TC2N: variants seen among roughly 807,000 people sequenced by gnomAD.
TC2N encodes tandem C2 domains nuclear protein.
In TC2N, 51 loss-of-function variants were observed where a neutral mutation model predicts 61.9. The observed-to-expected ratio is 0.82, with a 90% CI of 0.66 to 1.04. The LOEUF (loss-of-function observed/expected upper bound fraction) is 1.04. Among genes scored for constraint, TC2N ranks in the 50% least tolerant of loss-of-function variants. The pLI, the probability that TC2N is intolerant of heterozygous loss-of-function variation, is 0.00. For synonymous variants in TC2N, 204 were observed against 192.6 expected, an observed-to-expected ratio of 1.06 and a Z score of -0.49; for missense variants, 556 against 566.7, an observed-to-expected ratio of 0.98 and a Z score of 0.19.
chr14:91,791,597 A>G lies in TC2N; in HGVS notation c.1047+770T>C, dbSNP rs535385943. On this transcript the variant is annotated intron_variant, in intron 9 of 11. Transcript: ENST00000435962. ...GTAATAAAGCTTTTTACAGAAAAAA[A>G]AAATCAGCTGTAAAAACTTCTAATC... 3.3e-5 allele frequency among the ~76,000 whole-genome samples: 5 copies of G among 152,296 alleles called. No homozygotes were observed. The East Asian group carries it at 9.6e-4, about 29-fold the overall frequency.
chr14:91,848,581 G>A (rs1888313790), intron 1 of TC2N, among the ~76,000 whole-genome samples: 1 of 152,172 alleles, frequency 6.6e-6, no homozygotes, highest in African/African-American at 2.4e-5. Context: ...TCTCTCTGAA[G>A]AAAAACCTCC....
chr14:91,839,403 A>G (rs1888123700), intron 1 of TC2N, among the ~76,000 whole-genome samples: 1 of 152,202 alleles, frequency 6.6e-6, no homozygotes, highest in Non-Finnish European at 1.5e-5. Flanking sequence ...ATTTCCCAGC[A>G]TAACCACCAC....
At chr14:91,799,212 G>T in intron 5 of TC2N, 148 bp from the exon 6 acceptor site, 2 of 398,298 alleles carry the variant, frequency 5.0e-6, no homozygotes, top group East Asian at 4.3e-5. Flanking sequence ...TACAGGTAGT[G>T]GAAAAAAAAA....
At chr14:91,865,926 C>A (rs538244526) in intron 1 of TC2N, among the ~76,000 whole-genome samples, 10 of 151,756 alleles carry the variant, frequency 6.6e-5, no homozygotes, top group Admixed American at 1.3e-4. Context: ...GTTTTAATAA[C>A]TTTTAAAGTT....
intron 1 of TC2N, among the ~76,000 whole-genome samples, chr14:91,861,243 A>G (rs1207789130): frequency 6.6e-6 from 1 of 152,236 alleles, no homozygotes; most frequent in African/African-American, 2.4e-5. Flanking sequence ...AGAAAGTACC[A>G]TGTTCACATA....
rs752769590 is a variant in TC2N at position 91,792,570 on chromosome 14, A to G, written c.856-12T>C. ...ATAAATTCAATAGCCTTAAAAAAAA[A>G]ACAAGAAAACATAAAATATATAAAT... is the stretch of plus-strand genomic sequence containing the variant. On this transcript the variant is annotated splice_polypyrimidine_tract_variant and intron_variant, in intron 8 of 11. Transcript: ENST00000435962. The G allele has an allele frequency of 6.6e-6, 9 of 1,360,162 alleles. No individual in the cohort carries two copies. The highest frequency in any genetic ancestry group is 9.0e-6 in the Non-Finnish European group (9 of 996,460). 84.3% of individuals were successfully genotyped at this position (1,360,162 alleles called of 1,614,324 possible). A position where few individuals can be genotyped will look rare whatever the true frequency, so the allele number is the denominator to read the frequency against.
chr14:91,829,054 A>G (rs1367058585), intron 1 of TC2N, among the ~76,000 whole-genome samples: 1 of 150,676 alleles, frequency 6.6e-6, no homozygotes, highest in East Asian at 1.9e-4. Context: ...GTTCTTTTAA[A>G]AAAAAAAAAA....
intron 1 of TC2N, among the ~76,000 whole-genome samples, chr14:91,851,780 T>C (rs576175965): frequency 6.6e-6 from 1 of 152,294 alleles, no homozygotes; most frequent in South Asian, 2.1e-4. Flanking sequence ...CCACACTGTA[T>C]TATGCCACCA....
At chr14:91,842,033 A>T (rs1888173815) in intron 1 of TC2N, among the ~76,000 whole-genome samples, 1 of 134,570 alleles carries the variant, frequency 7.4e-6, no homozygotes. Context: ...ATCATGGCTC[A>T]CTCCAGCCTC....
chr14:91,787,599 G>C lies in TC2N; in HGVS notation c.1076C>G (p.Thr359Ser). ...TCTGCTATTTACTGCTTGAAAACAA[G>C]TCCCCAATTCAAGTTCTGCATGGCA... ...SVCHAELELG[T>S]CFQAVNSRIQ... is the part of the protein sequence containing the mutation. Residue 359 changes from threonine to serine, a missense_variant, in exon 10 of 12, where the codon ACT (threonine) becomes AGT (serine). Transcript: ENST00000435962. 6.2e-7 allele frequency: 1 copy of C among 1,611,918 alleles called. No individual in the cohort carries two copies. The highest frequency in any genetic ancestry group is 8.5e-7 in the Non-Finnish European group (1 of 1,179,022).
chr14:91,850,652 C>T (rs1364980855), intron 1 of TC2N, among the ~76,000 whole-genome samples: 1 of 152,186 alleles, frequency 6.6e-6, no homozygotes, highest in East Asian at 1.9e-4. Context: ...CTAATGCCTG[C>T]CCAGGCACAG....
Position 91,783,089 on chromosome 14 carries a change from G to A in TC2N, c.*11C>T. On this transcript the variant is annotated 3_prime_UTR_variant, in exon 12 of 12. Coordinates refer to ENST00000435962, the MANE Select transcript of TC2N (RefSeq NM_001128596.3). ...ATGTCAAGTTCTTCACCAAATTAAT[G>A]TGTGAAGTCTTCAAGATGGATTTAA... is the stretch of plus-strand genomic sequence containing the variant. 6.8e-7 allele frequency: 1 copy of A among 1,470,080 alleles called. No individual in the cohort carries two copies. Among genetic ancestry groups the A allele is most frequent in the Non-Finnish European group, 9.5e-7 (1 of 1,051,030 alleles). The allele number at this position is 1,470,080 out of a possible 1,614,324, so 91.1% of individuals were successfully genotyped here.
chr14:91,865,115 C>T (rs953013134), intron 1 of TC2N, among the ~76,000 whole-genome samples: 1 of 152,124 alleles, frequency 6.6e-6, no homozygotes. Flanking sequence ...ATCCCAAATT[C>T]CTGAAAAAGT....
At chr14:91,820,432 T>C (rs981797429) in intron 1 of TC2N, among the ~76,000 whole-genome samples, 1 of 151,420 alleles carries the variant, frequency 6.6e-6, no homozygotes, top group Non-Finnish European at 1.5e-5. Flanking sequence ...GTGATAAAAA[T>C]ACTGAGAATA....
chr14:91,795,454 C>G (rs1885851322), intron 8 of TC2N, among the ~76,000 whole-genome samples: 1 of 152,216 alleles, frequency 6.6e-6, no homozygotes, highest in East Asian at 1.9e-4. Flanking sequence ...ATTGCCACAG[C>G]CACTTCAACC....
intron 4 of TC2N, 25 bp from the exon 5 acceptor site, chr14:91,800,397 T>A: frequency 7.3e-7 from 1 of 1,371,178 alleles, no homozygotes; most frequent in Non-Finnish European, 1.0e-6. Flanking sequence ...GAGAAAAGTA[T>A]ATATTTTTAA....
At chr14:91,835,805 G>A (rs1240496715) in intron 1 of TC2N, among the ~76,000 whole-genome samples, 2 of 152,182 alleles carry the variant, frequency 1.3e-5, no homozygotes, top group African/African-American at 4.8e-5. Context: ...ATCAGACCCC[G>A]CCAGGGAAAG....
chr14:91,826,140 G>A (rs948217737), intron 1 of TC2N, among the ~76,000 whole-genome samples: 4 of 151,838 alleles, frequency 2.6e-5, no homozygotes, highest in Non-Finnish European at 5.9e-5. Flanking sequence ...ACAATATAGG[G>A]AGACCCCTAT....
chr14:91,840,493 T>A (rs539287190), intron 1 of TC2N, among the ~76,000 whole-genome samples: 1 of 152,324 alleles, frequency 6.6e-6, no homozygotes, highest in South Asian at 2.1e-4. Context: ...GATGGCCACC[T>A]TATCAGAATG....
Sources: allele counts gnomAD v4.1 joint callset (sites outside exome capture counted in the v4.1 genomes callset), GRCh38; gene constraint gnomAD v4.1.1; transcripts MANE v1.5; gene names NCBI Gene and HGNC (gene_info 2026-07-23, HGNC 2026-07-21).